CTNND2: variants seen among roughly 807,000 people sequenced by gnomAD.
CTNND2 encodes catenin delta-2.
In CTNND2, 22 loss-of-function variants were observed where a neutral mutation model predicts 144.4. The ratio of observed to expected loss-of-function variants is 0.15; its 90% CI spans 0.11 to 0.22. The LOEUF is 0.22. Among genes scored for constraint, CTNND2 ranks in the 10% least tolerant of loss-of-function variants. CTNND2 has a pLI of 1.00. For synonymous variants in CTNND2, 751 were observed against 695.6 expected (o/e 1.08, Z -1.25); for missense variants, 1,353 against 1,618.8 (o/e 0.84, Z 2.82).
intron 9 of CTNND2, among the ~76,000 whole-genome samples, chr5:11,345,724 C>T (rs1754704334): frequency 6.6e-6 from 1 of 151,034 alleles, no homozygotes; most frequent in African/African-American, 2.4e-5. Flanking sequence ...GACTCAAATC[C>T]AACTTTACAA....
chr5:11,583,701 A>G (rs1385062925), intron 2 of CTNND2, among the ~76,000 whole-genome samples: 1 of 152,272 alleles, frequency 6.6e-6, no homozygotes, highest in African/African-American at 2.4e-5. Flanking sequence ...CAAAATAAAC[A>G]GAGAGGTCAG....
chr5:11,115,387 T>G (rs1753442857), intron 13 of CTNND2, among the ~76,000 whole-genome samples: 1 of 152,198 alleles, frequency 6.6e-6, no homozygotes, highest in African/African-American at 2.4e-5. Context: ...CCAGCTAGTA[T>G]CAAAGCTCTT....
rs558437574 is a variant in CTNND2 at position 11,065,623 on chromosome 5, T to A, written c.2788+17073A>T. Among the ~76,000 whole-genome samples, 181 of 152,344 alleles carry A rather than the reference T, an allele frequency of 1.2e-3. 1 individual carries two copies. Among genetic ancestry groups the A allele is most frequent in the African/African-American group, 4.2e-3 (173 of 41,586 alleles). ...CTTCCCTCTGAGGACTAAACTCTGA[T>A]TTTTTTAACATGCCCAAATTCCTAT... On this transcript the variant is annotated intron_variant, in intron 16 of 21. Transcript: ENST00000304623.
chr5:11,365,722 T>C (rs1756916004), intron 7 of CTNND2, among the ~76,000 whole-genome samples: 1 of 152,134 alleles, frequency 6.6e-6, no homozygotes, highest in Non-Finnish European at 1.5e-5. Context: ...GAAATAAGAC[T>C]TTAGTGAGGG....
At chr5:11,309,267 A>C (rs1267220763) in intron 9 of CTNND2, among the ~76,000 whole-genome samples, 1 of 152,132 alleles carries the variant, frequency 6.6e-6, no homozygotes. Flanking sequence ...AGTCACAGGC[A>C]CTCAACGCCA....
chr5:11,215,582 A>C (rs1739089934), intron 10 of CTNND2, among the ~76,000 whole-genome samples: 1 of 152,256 alleles, frequency 6.6e-6, no homozygotes. Flanking sequence ...TAAATAGTAA[A>C]GAGACAGATA....
At chr5:11,226,591 G>T (rs1351361231) in intron 10 of CTNND2, among the ~76,000 whole-genome samples, 1 of 152,212 alleles carries the variant, frequency 6.6e-6, no homozygotes, top group African/African-American at 2.4e-5. Context: ...AACAAAGAGA[G>T]AATTTGTTCA....
intron 10 of CTNND2, among the ~76,000 whole-genome samples, chr5:11,217,283 G>A (rs957931282): frequency 2.0e-5 from 3 of 152,334 alleles, no homozygotes; most frequent in Admixed American, 2.0e-4. Flanking sequence ...AGAGAATACA[G>A]CCTGGTCAAC....
intron 10 of CTNND2, 137 bp downstream of exon 10, chr5:11,236,554 T>C (rs1374764974): frequency 1.7e-5 from 16 of 954,456 alleles, no homozygotes; most frequent in Non-Finnish European, 2.2e-5. Context: ...AAACATGCTA[T>C]GTTCTAGTCA....
chr5:11,237,063 A>C (rs2149897220), intron 9 of CTNND2, among the ~76,000 whole-genome samples: 1 of 148,272 alleles, frequency 6.7e-6, no homozygotes, highest in East Asian at 2.0e-4. Flanking sequence ...TCTGTCGCCC[A>C]GGCTGGAGTG....
intron 12 of CTNND2, among the ~76,000 whole-genome samples, chr5:11,154,691 G>A (rs982717767): frequency 1.3e-5 from 2 of 152,172 alleles, no homozygotes; most frequent in Admixed American, 6.5e-5. Flanking sequence ...AAACTGGGTG[G>A]CTTAAAACAA....
intron 2 of CTNND2, among the ~76,000 whole-genome samples, chr5:11,565,269 T>C: frequency 6.6e-6 from 1 of 152,244 alleles, no homozygotes. Flanking sequence ...AGTATCAGTT[T>C]CATCATTTGT....
chr5:11,007,863 G>A (rs560684569), intron 18 of CTNND2, among the ~76,000 whole-genome samples: 4 of 152,312 alleles, frequency 2.6e-5, no homozygotes, highest in Admixed American at 6.5e-5. Flanking sequence ...CTTCACTTTC[G>A]CACCGTGTAA....
At chr5:11,576,012 C>T (rs1777947414) in intron 2 of CTNND2, among the ~76,000 whole-genome samples, 1 of 152,160 alleles carries the variant, frequency 6.6e-6, no homozygotes, top group East Asian at 1.9e-4. Flanking sequence ...CTTCATTTTC[C>T]TATCTCACAG....
chr5:11,412,108 A>G lies in CTNND2; in HGVS notation c.288-39T>C. On this transcript the variant is annotated intron_variant, in intron 3 of 21. Transcript: ENST00000304623. Reference sequence around the variant, plus strand: ...AATACAGAGATATAATGCATTGATTAGAAAAGAAAAATAAAACCCTAAAAT... The same window carrying G: ...AATACAGAGATATAATGCATTGATTGGAAAAGAAAAATAAAACCCTAAAAT... 2.6e-6 allele frequency: 4 copies of G among 1,543,426 alleles called. No individual in the cohort carries two copies. The South Asian group carries it at 4.5e-5, about 17-fold the overall frequency.
rs186828938 is a variant in CTNND2 at position 11,522,495 on chromosome 5, T to C, written c.287+42449A>G. ...AGCATTGCCGCAGACTACAATCAAC[T>C]CTATTATCCATGTTAGATTTTAACG... On this transcript the variant is annotated intron_variant, in intron 3 of 21. Transcript: ENST00000304623. Among the ~76,000 whole-genome samples, 367 of 152,276 alleles carry C rather than the reference T, an allele frequency of 2.4e-3. 2 individuals carry two copies. Among genetic ancestry groups the C allele is most frequent in the African/African-American group, 8.4e-3 (350 of 41,556 alleles).
intron 1 of CTNND2, among the ~76,000 whole-genome samples, chr5:11,824,622 C>A (rs1485726122): frequency 6.6e-6 from 1 of 152,184 alleles, no homozygotes; most frequent in African/African-American, 2.4e-5. Flanking sequence ...ACAGGAAACT[C>A]TCTCCTACCC....
In CTNND2 at chr5:10,988,267, A is replaced by AT. The variant is rs752560462; in HGVS notation, c.3212-26dup. 16 of 1,613,478 alleles carry AT rather than the reference A, an allele frequency of 9.9e-6. No homozygotes were observed. In the African/African-American group the frequency reaches 1.7e-4, roughly 17 times the overall value. ...GCTACATAAAGAAATCAAAAGGGGG[A>AT]TTTTCTGCATCTCATCCCACAGCGT... On this transcript the variant is annotated intron_variant, in intron 19 of 21. Transcript: ENST00000304623. The surrounding 1 kb of genome is among the most constrained non-coding windows in gnomAD (Gnocchi z 5.9).
At chr5:11,318,368 C>T (rs935718407) in intron 9 of CTNND2, among the ~76,000 whole-genome samples, 3 of 152,196 alleles carry the variant, frequency 2.0e-5, no homozygotes, top group African/African-American at 7.2e-5. Flanking sequence ...TCAAGCCATG[C>T]TGAAGGTTGT....
Sources: gnomAD v4.1 joint callset for allele counts (sites outside exome capture counted in the v4.1 genomes callset) on GRCh38, gnomAD v4.1.1 for gene constraint, Gnocchi (gnomAD v3.1) non-coding constraint, MANE v1.5 for transcripts, NCBI Gene and HGNC (gene_info 2026-07-23, HGNC 2026-07-21) for gene names.